Variants in DPP10 observed in about 807,000 individuals in gnomAD.
The protein encoded by DPP10 is inactive dipeptidyl peptidase 10.
Under a neutral mutation model 120.9 loss-of-function variants are expected in DPP10, and 33 were observed. The observed-to-expected ratio is 0.27, with a 90% CI of 0.21 to 0.37. DPP10 has a LOEUF of 0.37. Among genes scored for constraint, DPP10 ranks in the 10% least tolerant of loss-of-function variants. The pLI is 1.00. For synonymous variants in DPP10, 337 were observed against 326.1 expected (o/e 1.03, Z -0.36); for missense variants, 816 against 942.8 (o/e 0.87, Z 1.76).
At chr2:114,739,893 G>T (rs137869960) in intron 1 of DPP10, among the ~76,000 whole-genome samples, 3 of 152,208 alleles carry the variant, frequency 2.0e-5, no homozygotes, top group African/African-American at 7.2e-5. Context: ...TGGCTCAAAA[G>T]TGTAAACTAT....
chr2:114,538,273 A>G (rs1686677773), intron 1 of DPP10, among the ~76,000 whole-genome samples: 1 of 152,194 alleles, frequency 6.6e-6, no homozygotes, highest in African/African-American at 2.4e-5. Context: ...AGAAGAAAGA[A>G]GAGGAAAGGA....
intron 1 of DPP10, among the ~76,000 whole-genome samples, chr2:115,219,666 A>G (rs180799159): frequency 1.1e-3 from 166 of 152,308 alleles, no homozygotes; most frequent in Non-Finnish European, 2.0e-3. Flanking sequence ...TTCTCAATAT[A>G]AAGATCAAAA....
chr2:114,583,678 G>A (rs1690721039), intron 1 of DPP10, among the ~76,000 whole-genome samples: 1 of 152,130 alleles, frequency 6.6e-6, no homozygotes, highest in African/African-American at 2.4e-5. Context: ...AATATTTAAG[G>A]TGAATTTATT....
chr2:114,901,890 AGTG>A (rs925392555), intron 1 of DPP10, among the ~76,000 whole-genome samples: 2 of 152,222 alleles, frequency 1.3e-5, no homozygotes, highest in African/African-American at 4.8e-5. Context: ...GCTACCAATA[AGTG>A]GTGTGGTCCA....
At chr2:115,377,335 C>A (rs1401419298) in intron 3 of DPP10, among the ~76,000 whole-genome samples, 1 of 152,088 alleles carries the variant, frequency 6.6e-6, no homozygotes, top group Non-Finnish European at 1.5e-5. Context: ...TGTTTTTTGG[C>A]TGCATAAATG....
intron 13 of DPP10, among the ~76,000 whole-genome samples, chr2:115,771,902 T>C (rs565341466): frequency 2.6e-5 from 4 of 152,302 alleles, no homozygotes; most frequent in African/African-American, 9.6e-5. Context: ...AGTAAGTAGA[T>C]AAAAATCATT....
chr2:115,751,877 C>A (rs1245904902), intron 10 of DPP10, among the ~76,000 whole-genome samples: 1 of 151,314 alleles, frequency 6.6e-6, no homozygotes, highest in African/African-American at 2.4e-5. Flanking sequence ...CGGCTCACTG[C>A]AACCTCTGCC....
At position 115,286,526 on chromosome 2, in the gene DPP10, A is replaced by ATATATATTACATATATAATATAT. The variant is rs10675008; in HGVS notation, c.61-22713_61-22712insTATATATTACATATATAATATAT. ...TATTACATATATAATATATATATATAATATATATATATATAAAATATATAC... is the reference window on the plus strand; with the variant it reads ...TATTACATATATAATATATATATATATATATATTACATATATAATATATATATATATATATATAAAATATATAC... On this transcript the variant is annotated intron_variant, in intron 1 of 25. Transcript: ENST00000410059. Among the ~76,000 whole-genome samples, 33 of 60,944 alleles carry ATATATATTACATATATAATATAT rather than the reference A, an allele frequency of 5.4e-4. 1 individual carries two copies. Among genetic ancestry groups the ATATATATTACATATATAATATAT allele is most frequent in the African/African-American group, 1.7e-3 (31 of 18,650 alleles). The allele number at this position is 60,944 out of a possible 152,430, so 40.0% of individuals were successfully genotyped here. A position where few individuals can be genotyped will look rare whatever the true frequency, so the allele number is the denominator to read the frequency against.
intron 1 of DPP10, among the ~76,000 whole-genome samples, chr2:115,078,555 C>T (rs1707980660): frequency 6.6e-6 from 1 of 152,108 alleles, no homozygotes; most frequent in South Asian, 2.1e-4. Context: ...TAACGCAATA[C>T]TTAGTAAAGA....
intron 1 of DPP10, among the ~76,000 whole-genome samples, chr2:115,254,051 T>C (rs2058867525): frequency 6.6e-6 from 1 of 151,914 alleles, no homozygotes; most frequent in South Asian, 2.1e-4. Flanking sequence ...TCTTGTACTC[T>C]GCATGCCTGC....
intron 1 of DPP10, among the ~76,000 whole-genome samples, chr2:114,897,896 G>T (rs1328945872): frequency 1.1e-4 from 17 of 151,812 alleles, no homozygotes; most frequent in Non-Finnish European, 2.5e-4. Flanking sequence ...TTACACTGTT[G>T]GTGGGACTGT....
intron 1 of DPP10, among the ~76,000 whole-genome samples, chr2:114,539,170 T>C (rs1686755322): frequency 6.7e-6 from 1 of 148,620 alleles, no homozygotes; most frequent in Admixed American, 6.8e-5. Context: ...ACATGTTTTA[T>C]TTATAACTGT....
intron 1 of DPP10, among the ~76,000 whole-genome samples, chr2:115,126,213 GGCTTAA>G (rs2050075952): frequency 6.6e-6 from 1 of 152,004 alleles, no homozygotes; most frequent in African/African-American, 2.4e-5. Flanking sequence ...CTGCCTCCAG[GGCTTAA>G]GCTATCCTCT....
intron 1 of DPP10, among the ~76,000 whole-genome samples, chr2:114,937,740 G>T (rs1696589601): frequency 6.6e-6 from 1 of 152,110 alleles, no homozygotes; most frequent in African/African-American, 2.4e-5. Flanking sequence ...CTCTGAACGT[G>T]CCCAATCTCT....
At chr2:115,067,263 T>C (rs1009018143) in intron 1 of DPP10, among the ~76,000 whole-genome samples, 1 of 152,024 alleles carries the variant, frequency 6.6e-6, no homozygotes, top group Non-Finnish European at 1.5e-5. Context: ...GTTTTTGTTT[T>C]TGTTTTGAGA....
chr2:115,048,763 T>C (rs1197721666), intron 1 of DPP10, among the ~76,000 whole-genome samples: 1 of 152,078 alleles, frequency 6.6e-6, no homozygotes, highest in Non-Finnish European at 1.5e-5. Flanking sequence ...TACCAGCATG[T>C]ATTGATCTTA....
intron 3 of DPP10, among the ~76,000 whole-genome samples, chr2:115,446,409 A>G (rs939172183): frequency 5.3e-5 from 8 of 152,164 alleles, no homozygotes; most frequent in African/African-American, 1.9e-4. Flanking sequence ...AGACCCCAGA[A>G]TGGCAGATCC....
At chr2:115,686,672 C>T (rs1051738163) in intron 5 of DPP10, among the ~76,000 whole-genome samples, 2 of 151,992 alleles carry the variant, frequency 1.3e-5, no homozygotes, top group Non-Finnish European at 2.9e-5. Context: ...TTCTGAGTCT[C>T]CTAATACTTT....
Position 115,780,881 on chromosome 2 carries a change from A to C in DPP10, c.1369A>C (p.Thr457Pro). ...PRGRQLYSASTEGLLNRQCIS... is the reference protein window; with the variant it reads ...PRGRQLYSASPEGLLNRQCIS... Reference sequence around the variant, plus strand: ...TCCTTTTTCTTTCTCCAGTGCTTCTACTGAAGGATTATTGAATCGCCAATG... The same window carrying C: ...TCCTTTTTCTTTCTCCAGTGCTTCTCCTGAAGGATTATTGAATCGCCAATG... Residue 457 changes from threonine to proline, a missense_variant, in exon 16 of 26, where the codon ACT becomes CCT. By Grantham distance (38) the Thr-to-Pro change is conservative (BLOSUM62 -1). Transcript: ENST00000410059. The C allele has an allele frequency of 1.9e-6, 3 of 1,602,070 alleles. No homozygotes were observed. Among genetic ancestry groups the C allele is most frequent in the Non-Finnish European group, 2.6e-6 (3 of 1,172,658 alleles).
Sources: allele counts gnomAD v4.1 joint callset (sites outside exome capture counted in the v4.1 genomes callset), GRCh38; gene constraint gnomAD v4.1.1; transcripts MANE v1.5; gene names NCBI Gene and HGNC (gene_info 2026-07-23, HGNC 2026-07-21).